TIAM1: variants seen among roughly 807,000 people sequenced by gnomAD.
The protein encoded by TIAM1 is TIAM Rac1 associated GEF 1, also known as rho guanine nucleotide exchange factor TIAM1.
Under a neutral mutation model 163.5 loss-of-function variants are expected in TIAM1, and 65 were observed. That is an observed-to-expected ratio of 0.40 (90% CI 0.33 to 0.49). TIAM1 has a LOEUF of 0.49. TIAM1 is among the 20% of genes least tolerant of loss of function. The pLI is 0.77. For missense variants in TIAM1, 1,789 were observed against 2,044.7 expected (o/e 0.87, Z 2.41); for synonymous variants, 833 against 810.1 (o/e 1.03, Z -0.48).
intron 1 of TIAM1, among the ~76,000 whole-genome samples, chr21:31,488,748 C>T (rs2046357708): frequency 6.6e-6 from 1 of 152,064 alleles, no homozygotes; most frequent in Non-Finnish European, 1.5e-5. Context: ...CTCCACCTGG[C>T]CCCATCTTGG....
intron 3 of TIAM1, among the ~76,000 whole-genome samples, chr21:31,270,379 T>C (rs2073003703): frequency 6.6e-6 from 1 of 152,100 alleles, no homozygotes; most frequent in Non-Finnish European, 1.5e-5. Context: ...ATTGAAAAGG[T>C]GGATGCCAGA....
At chr21:31,124,435 C>T (rs747297076) in intron 27 of TIAM1, 87 bp downstream of exon 27, 22 of 1,560,536 alleles carry the variant, frequency 1.4e-5, no homozygotes, top group Non-Finnish European at 1.8e-5. Flanking sequence ...ACACCTCACC[C>T]CCACTCAACA....
chr21:31,335,496 G>A (rs1057465695), intron 2 of TIAM1, among the ~76,000 whole-genome samples: 5 of 152,108 alleles, frequency 3.3e-5, no homozygotes, highest in African/African-American at 1.2e-4. Flanking sequence ...CCTGAGGTCA[G>A]GAGTTCAAGA....
At chr21:31,337,336 G>A (rs1339733038) in intron 2 of TIAM1, among the ~76,000 whole-genome samples, 2 of 151,934 alleles carry the variant, frequency 1.3e-5, no homozygotes, top group African/African-American at 4.8e-5. Flanking sequence ...AGACTACCAG[G>A]TAGTTGGCCA....
chr21:31,368,340 C>A (rs943914924), intron 2 of TIAM1, among the ~76,000 whole-genome samples: 3 of 151,872 alleles, frequency 2.0e-5, no homozygotes, highest in Admixed American at 6.6e-5. Context: ...TTCTTAATAA[C>A]CTTTTCTCAA....
Position 31,476,424 on chromosome 21 carries a change from T to C in TIAM1, c.-421-12389A>G, listed in dbSNP as rs552073059. ...CTTGGGCCATTTCAGGAAGAACATC[T>C]GCACTGCATTGGTAATTCTTGAAAG... is the stretch of plus-strand genomic sequence containing the variant. On this transcript the variant is annotated intron_variant, in intron 1 of 28. Transcript: ENST00000286827. 3.2e-4 allele frequency among the ~76,000 whole-genome samples: 49 copies of C among 152,348 alleles called. No individual in the cohort carries two copies. The East Asian group carries it at 5.4e-3, about 17-fold the overall frequency.
chr21:31,171,035 CAAAAAA>C (rs34291568), intron 15 of TIAM1, among the ~76,000 whole-genome samples: 7 of 19,572 alleles, frequency 3.6e-4, no homozygotes, highest in Admixed American at 6.7e-4. Flanking sequence ...GACTCCATCT[CAAAAAA>C]AAAAAAAAAA....
At chr21:31,178,327 G>C (rs1206684014) in intron 15 of TIAM1, among the ~76,000 whole-genome samples, 1 of 12,898 alleles carries the variant, frequency 7.8e-5, no homozygotes, top group South Asian at 3.0e-3. Context: ...TTTTTTTTTT[G>C]AGACGGAGTC....
intron 2 of TIAM1, among the ~76,000 whole-genome samples, chr21:31,437,132 C>T (rs113918449): frequency 0.078 from 11,829 of 151,936 alleles, 1,518 homozygotes; most frequent in African/African-American, 0.27. Flanking sequence ...TATAGGTTTC[C>T]GGTCTATTTT....
chr21:31,413,200 C>T (rs1033797584), intron 2 of TIAM1, among the ~76,000 whole-genome samples: 2 of 151,958 alleles, frequency 1.3e-5, no homozygotes, highest in African/African-American at 4.8e-5. Flanking sequence ...TTGTATCTCC[C>T]TTACTCCTGG....
chr21:31,176,824 A>G (rs2084786586), intron 15 of TIAM1, among the ~76,000 whole-genome samples: 1 of 152,088 alleles, frequency 6.6e-6, no homozygotes, highest in Non-Finnish European at 1.5e-5. Flanking sequence ...GCTCCCAACC[A>G]GGGCTGGACA....
At chr21:31,489,851 C>G (rs991304633) in intron 1 of TIAM1, among the ~76,000 whole-genome samples, 3 of 152,182 alleles carry the variant, frequency 2.0e-5, no homozygotes, top group African/African-American at 7.2e-5. Context: ...TGCCCATGCT[C>G]AAAGCACTTG....
rs372682804 is a variant in TIAM1 at position 31,232,675 on chromosome 21, C to A, written c.1585-6725G>T. On this transcript the variant is annotated intron_variant, in intron 6 of 27. Coordinates refer to ENST00000541036, the MANE Select transcript of TIAM1 (RefSeq NM_001353694.2). ...ACATGCTAGAAAAAGCCATCCGAAG[C>A]CACTAACCTTGCCTCCCCTTCTTGA... Among the ~76,000 whole-genome samples the A allele has an allele frequency of 1.0e-3, 159 of 152,260 alleles. 1 individual carries two copies. The highest frequency in any genetic ancestry group is 3.4e-3 in the African/African-American group (143 of 41,540).
At chr21:31,430,245 T>TACAC (rs1259658063) in intron 2 of TIAM1, among the ~76,000 whole-genome samples, 7 of 128,168 alleles carry the variant, frequency 5.5e-5, no homozygotes, top group African/African-American at 1.7e-4. Context: ...TATATATATA[T>TACAC]ATACACACAC....
intron 23 of TIAM1, among the ~76,000 whole-genome samples, chr21:31,134,758 A>G (rs1057330539): frequency 1.3e-5 from 2 of 152,126 alleles, no homozygotes; most frequent in African/African-American, 2.4e-5. Flanking sequence ...TGATCCGTCC[A>G]CCTTGGCCTC....
chr21:31,349,063 C>T (rs190778426), upstream of TIAM1, among the ~76,000 whole-genome samples: 214 of 152,320 alleles, frequency 1.4e-3, no homozygotes, highest in African/African-American at 4.8e-3. Context: ...AATCCAAGGG[C>T]TTCAATTTCC....
chr21:31,338,429 C>T (rs1426327822), intron 2 of TIAM1, among the ~76,000 whole-genome samples: 1 of 152,160 alleles, frequency 6.6e-6, no homozygotes, highest in Non-Finnish European at 1.5e-5. Context: ...GGTCGAGGTG[C>T]GTTTGTCCAC....
At chr21:31,189,808 TA>T (rs201412781) in intron 13 of TIAM1, among the ~76,000 whole-genome samples, 1,665 of 152,176 alleles carry the variant, frequency 0.011, 99 homozygotes, top group Admixed American at 0.1. Flanking sequence ...TGAACAAATA[TA>T]AAGAAAATTA....
At chr21:31,222,639 ATGTATGTGTG>A (rs1298452275) in intron 8 of TIAM1, among the ~76,000 whole-genome samples, 4 of 136,428 alleles carry the variant, frequency 2.9e-5, no homozygotes, top group East Asian at 2.4e-4. Context: ...GTATGTGTGT[ATGTATGTGTG>A]TGTATATATA....
Sources: gnomAD v4.1 joint callset for allele counts (sites outside exome capture counted in the v4.1 genomes callset) on GRCh38, gnomAD v4.1.1 for gene constraint, MANE v1.5 for transcripts, NCBI Gene and HGNC (gene_info 2026-07-23, HGNC 2026-07-21) for gene names.